Variants in ASAP2 observed in about 807,000 individuals in gnomAD.
ASAP2 encodes arf-GAP with SH3 domain, ANK repeat and PH domain-containing protein 2.
ASAP2 carries 45 observed loss-of-function variants against 131.4 expected under a neutral mutation model. That is an observed-to-expected ratio of 0.34 (90% CI 0.27 to 0.44). ASAP2 has a LOEUF of 0.44. Among genes scored for constraint, ASAP2 ranks in the 20% least tolerant of loss-of-function variants. The probability of loss-of-function intolerance (pLI) is 1.00; values close to 1 mark genes in which losing one functional copy is unlikely to be tolerated. For synonymous variants in ASAP2, 510 were observed against 503.0 expected, an observed-to-expected ratio of 1.01 and a Z score of -0.19; for missense variants, 1,011 against 1,297.0, an observed-to-expected ratio of 0.78 and a Z score of 3.39.
chr2:9,385,531 C>T (rs2148765096), intron 21 of ASAP2, among the ~76,000 whole-genome samples, 173 bp downstream of exon 21: 1 of 152,314 alleles, frequency 6.6e-6, no homozygotes, highest in Middle Eastern at 3.4e-3. Flanking sequence ...ACTACCATCT[C>T]CTGTCTCCCA....
Position 9,368,244 on chromosome 2 carries a change from TA to T in ASAP2, c.1462-180del, listed in dbSNP as rs1280768798. 2.0e-5 allele frequency among the ~76,000 whole-genome samples: 3 copies of T among 152,236 alleles called. No individual in the cohort carries two copies. In the East Asian group the frequency reaches 5.8e-4, roughly 29 times the overall value. On this transcript the variant is annotated intron_variant, in intron 15 of 27. Coordinates refer to ENST00000281419, the MANE Select transcript of ASAP2 (RefSeq NM_003887.3). ...TCTCTGTAATAGGCATGCCGCTTCTTATCTTTAATTTTATGGGTACCTTTGG... is the reference window on the plus strand; with the variant it reads ...TCTCTGTAATAGGCATGCCGCTTCTTTCTTTAATTTTATGGGTACCTTTGG...
At chr2:9,209,751 T>C (rs1007779795) in intron 1 of ASAP2, among the ~76,000 whole-genome samples, 1 of 152,198 alleles carries the variant, frequency 6.6e-6, no homozygotes, top group Non-Finnish European at 1.5e-5. Flanking sequence ...TTGTATTTAG[T>C]AGAGATGGGG....
At position 9,208,426 on chromosome 2, in the gene ASAP2, T is replaced by C. The variant is rs751852366; in HGVS notation, c.126+1196T>C. The stretch of plus-strand genomic sequence containing the variant: ...TTTTTTTCTGGTTTTTTTTTTTTTT[T>C]CCCATTTGAACAAAGCATCTGCTAT... On this transcript the variant is annotated intron_variant, in intron 1 of 27. Transcript: ENST00000281419. 1.8e-3 allele frequency among the ~76,000 whole-genome samples: 273 copies of C among 150,022 alleles called. 1 individual carries two copies. The highest frequency in any genetic ancestry group is 7.1e-3 in the South Asian group (34 of 4,784).
rs763484002 is a variant in ASAP2, at chr2:9,207,254, C to G, written c.126+24C>G. On this transcript the variant is annotated intron_variant, in intron 1 of 27. Transcript: ENST00000281419. The surrounding 1 kb of genome is among the most constrained non-coding windows in gnomAD (Gnocchi z 4.1). ...AGGTGAGGCGGCCTGCGCGGCGGCT[C>G]CGGCCGCAGGTATCCCGCGCCCCAG... is the stretch of plus-strand genomic sequence containing the variant. The G allele has an allele frequency of 4.6e-6, 7 of 1,532,396 alleles. No individual in the cohort carries two copies. The South Asian group carries it at 8.4e-5, about 18-fold the overall frequency. The allele number at this position is 1,532,396 out of a possible 1,614,324, so 94.9% of individuals were successfully genotyped here. A position where few individuals can be genotyped will look rare whatever the true frequency, so the allele number is the denominator to read the frequency against.
At chr2:9,282,632 C>G (rs913797286) in intron 2 of ASAP2, among the ~76,000 whole-genome samples, 1 of 152,196 alleles carries the variant, frequency 6.6e-6, no homozygotes, top group Non-Finnish European at 1.5e-5. Flanking sequence ...GAGAAGTCCC[C>G]ATAGTGTTTT....
rs1675526704 is a variant in ASAP2, at chr2:9,389,174, T to C, written c.2383+628T>C. Among the ~76,000 whole-genome samples the C allele has an allele frequency of 6.6e-6, 1 of 152,226 alleles. No individual in the cohort carries two copies. Among genetic ancestry groups the C allele is most frequent in the Non-Finnish European group, 1.5e-5 (1 of 68,038 alleles). The stretch of plus-strand genomic sequence containing the variant: ...CAAACCAAAGCTCTCAGAAGTTAAG[T>C]AATTTGTTCATTCCTGAAGAGCAGC... On this transcript the variant is annotated intron_variant, in intron 22 of 27. Transcript: ENST00000281419. The surrounding 1 kb of genome is among the most constrained non-coding windows in gnomAD (Gnocchi z 4.7).
intron 2 of ASAP2, among the ~76,000 whole-genome samples, chr2:9,279,695 A>G (rs1434427402): frequency 6.6e-6 from 1 of 152,094 alleles, no homozygotes; most frequent in African/African-American, 2.4e-5. Flanking sequence ...AGCCTGGCTG[A>G]TGGGGGCCTG....
chr2:9,364,605 C>T (rs1673317623), intron 15 of ASAP2, among the ~76,000 whole-genome samples: 1 of 152,214 alleles, frequency 6.6e-6, no homozygotes, highest in African/African-American at 2.4e-5. Flanking sequence ...TTTCTGTTCT[C>T]ATACGGTTGT....
At chr2:9,334,248 C>G (rs1671046016) in intron 7 of ASAP2, among the ~76,000 whole-genome samples, 1 of 136,930 alleles carries the variant, frequency 7.3e-6, no homozygotes, top group Admixed American at 7.4e-5. Context: ...AGGGGTTTTG[C>G]TATGTTGGCC....
At chr2:9,291,839 C>A (rs568690003) in intron 2 of ASAP2, among the ~76,000 whole-genome samples, 7 of 152,240 alleles carry the variant, frequency 4.6e-5, no homozygotes, top group Non-Finnish European at 8.8e-5. Flanking sequence ...ATGCTGGTGA[C>A]AGCACTTGGT....
chr2:9,293,427 A>G (rs891769835), intron 2 of ASAP2, among the ~76,000 whole-genome samples: 1 of 152,126 alleles, frequency 6.6e-6, no homozygotes, highest in African/African-American at 2.4e-5. Flanking sequence ...AACAAGGGGG[A>G]GGTGAGAGTG....
rs982738242 is a variant in ASAP2, at chr2:9,392,822, G to A, written c.2519-660G>A. Among the ~76,000 whole-genome samples, 20 of 152,084 alleles carry A rather than the reference G, an allele frequency of 1.3e-4. 1 individual carries two copies. The highest frequency in any genetic ancestry group is 4.6e-4 in the African/African-American group (19 of 41,408). On this transcript the variant is annotated intron_variant, in intron 23 of 27. Transcript: ENST00000281419. The surrounding 1 kb of genome is among the most constrained non-coding windows in gnomAD (Gnocchi z 4.0). ...GTATGATAAGCCCGACATTTAGAGA[G>A]GGCTTAATGCCTATCAAGGGAGGAG...
At position 9,356,205 on chromosome 2, in the gene ASAP2, A is replaced by C. The variant is rs756049199; in HGVS notation, c.1187A>C (p.Lys396Thr). 6.2e-7 allele frequency: 1 copy of C among 1,613,964 alleles called. No individual in the cohort carries two copies. Among genetic ancestry groups the C allele is most frequent in the East Asian group, 2.2e-5 (1 of 44,882 alleles). ...TGGATGTCTGTGCTGCAAAATAGCAAAGAAGAAGCTTTAAACAATGCATTT... is the reference window on the plus strand; with the variant it reads ...TGGATGTCTGTGCTGCAAAATAGCACAGAAGAAGCTTTAAACAATGCATTT... ...QIWMSVLQNS[K>T]EEALNNAFKG... The change falls in exon 14 of 28, where the codon AAA becomes ACA. Residue 396 changes from lysine to threonine, a missense_variant. Transcript: ENST00000281419.
At chr2:9,214,993 C>CA (rs1234046108) in intron 1 of ASAP2, among the ~76,000 whole-genome samples, 1 of 152,170 alleles carries the variant, frequency 6.6e-6, no homozygotes, top group East Asian at 1.9e-4. Context: ...CACAGTCATG[C>CA]ATTGCTTAAT....
intron 1 of ASAP2, among the ~76,000 whole-genome samples, chr2:9,219,263 T>A (rs1662257499): frequency 6.6e-6 from 1 of 152,240 alleles, no homozygotes; most frequent in Non-Finnish European, 1.5e-5. Flanking sequence ...ATGTGCTCTC[T>A]AGTGTGAAGC....
At chr2:9,346,102 C>T (rs988906501) in intron 11 of ASAP2, among the ~76,000 whole-genome samples, 6 of 152,054 alleles carry the variant, frequency 3.9e-5, no homozygotes, top group African/African-American at 1.4e-4. Flanking sequence ...CCCCTGCCCC[C>T]GCGACCCCAG....
chr2:9,270,613 A>G lies in ASAP2; in HGVS notation c.127-8704A>G, dbSNP rs377472537. Among the ~76,000 whole-genome samples, 7 of 151,794 alleles carry G rather than the reference A, an allele frequency of 4.6e-5. 1 individual carries two copies. The highest frequency in any genetic ancestry group is 2.1e-4 in the South Asian group (1 of 4,808). ...TCTCTTAGTTATTTTTAAATGTACA[A>G]TAAATTATTGTTGACCTTTGTCACC... On this transcript the variant is annotated intron_variant, in intron 1 of 27. Coordinates refer to ENST00000281419, the MANE Select transcript of ASAP2 (RefSeq NM_003887.3).
chr2:9,365,887 A>G (rs1211976392), intron 15 of ASAP2, among the ~76,000 whole-genome samples: 2 of 152,158 alleles, frequency 1.3e-5, no homozygotes, highest in African/African-American at 4.8e-5. Context: ...AGGAAGGGCG[A>G]CGGACTGGGC....
At chr2:9,208,336 AGT>A (rs199934195) in intron 1 of ASAP2, among the ~76,000 whole-genome samples, 1 of 86,078 alleles carries the variant, frequency 1.2e-5, no homozygotes, top group Non-Finnish European at 2.1e-5. Context: ...GGCTAGCAGG[AGT>A]GTGTGTGTGG....
Sources: allele counts gnomAD v4.1 joint callset (sites outside exome capture counted in the v4.1 genomes callset), GRCh38; gene constraint gnomAD v4.1.1; non-coding constraint Gnocchi (gnomAD v3.1); transcripts MANE v1.5; gene names NCBI Gene and HGNC (gene_info 2026-07-23, HGNC 2026-07-21).